The following POGZ variants were observed in gnomAD, a reference collection of about 807,000 sequenced individuals.
POGZ encodes the protein pogo transposable element derived with ZNF domain, also known as pogo transposable element with ZNF domain.
Under a neutral mutation model 134.6 loss-of-function variants are expected in POGZ, and 17 were observed. That is an observed-to-expected ratio of 0.13 (90% CI 0.09 to 0.19). The LOEUF is 0.19. Ranked by LOEUF, POGZ falls within the 10% of genes least tolerant of loss-of-function variation. POGZ has a pLI of 1.00. For synonymous variants in POGZ, 693 were observed against 657.1 expected (o/e 1.05, Z -0.84); for missense variants, 1,306 against 1,769.7 (o/e 0.74, Z 4.70).
At chr1:151,406,516 A>T in intron 18 of POGZ, 52 bp from the exon 19 acceptor site, 1 of 1,552,490 alleles carries the variant, frequency 6.4e-7, no homozygotes, top group Non-Finnish European at 8.7e-7. Flanking sequence ...TCAACTAGGA[A>T]ATTGAAACAA....
rs1272826588 is a variant in POGZ at position 151,459,384 on chromosome 1, C to T, written c.-234G>A. 2 of 52,756 alleles carry T rather than the reference C, an allele frequency of 3.8e-5. No homozygotes were observed. The highest frequency in any genetic ancestry group is 4.6e-4 in the South Asian group (1 of 2,192). 3.3% of individuals were successfully genotyped at this position (52,756 alleles called of 1,614,324 possible). ...TTTCCCGAGGGGGGCGGGGGGGCCC[C>T]GAGGGAGGGGGGTGGGGGGGCCAAG... On this transcript the variant is annotated 5_prime_UTR_variant, in exon 1 of 19. Coordinates refer to ENST00000271715, the MANE Select transcript of POGZ (RefSeq NM_015100.4).
intron 15 of POGZ, among the ~76,000 whole-genome samples, chr1:151,407,804 G>A (rs1653921629): frequency 1.3e-5 from 2 of 152,084 alleles, no homozygotes; most frequent in South Asian, 2.1e-4. Flanking sequence ...GAGCTCAGGA[G>A]TTTGAGACCA....
Position 151,405,677 on chromosome 1 carries a change from A to G in POGZ, c.3358T>C (p.Ser1120Pro), listed in dbSNP as rs143139372. The G allele has an allele frequency of 1.9e-6, 3 of 1,614,082 alleles. No individual in the cohort carries two copies. In the African/African-American group the frequency reaches 4.0e-5, roughly 22 times the overall value. ...RQIHNQDLPLSMIVAIDEISL... is the reference protein window; with the variant it reads ...RQIHNQDLPLPMIVAIDEISL... ...ATCTCATCAATAGCCACAATCATAG[A>G]CAAGGGTAAGTCCTGGTTGTGAATC... Residue 1120 changes from serine to proline, a missense_variant, in exon 19 of 19, where the codon TCT (serine) becomes CCT (proline). Ser to Pro is a moderately conservative substitution (Grantham distance 74). Transcript: ENST00000271715. The surrounding 1 kb of genome is among the most constrained non-coding windows in gnomAD (Gnocchi z 4.9).
rs148861119 is a variant in POGZ, at chr1:151,436,781, A to G, written c.283+4147T>C. On this transcript the variant is annotated intron_variant, in intron 3 of 18. Transcript: ENST00000271715. ...ACACAGGTTGTTTTTACTTTTAGCT[A>G]TAACAAATGATACTGCTATGAACAT... Among the ~76,000 whole-genome samples the G allele has an allele frequency of 4.5e-3, 687 of 152,350 alleles. 4 individuals are homozygous for G. Among genetic ancestry groups the G allele is most frequent in the African/African-American group, 0.016 (660 of 41,580 alleles).
rs1653029329 is a variant in POGZ at position 151,403,298 on chromosome 1, T to C, written c.*1504A>G. 1 of 985,472 alleles carries C rather than the reference T, an allele frequency of 1.0e-6. No individual in the cohort carries two copies. The highest frequency in any genetic ancestry group is 1.2e-6 in the Non-Finnish European group (1 of 829,808). 61.0% of individuals were successfully genotyped at this position (985,472 alleles called of 1,614,324 possible). A position where few individuals can be genotyped will look rare whatever the true frequency, so the allele number is the denominator to read the frequency against. On this transcript the variant is annotated 3_prime_UTR_variant, in exon 19 of 19. Transcript: ENST00000271715. ...ACCAGGCCCATCACATCTTGAGCAT[T>C]CCCCAGTCTGTGAAAGCCTATTAAA...
chr1:151,420,116 G>T (rs926675613), intron 10 of POGZ, among the ~76,000 whole-genome samples: 1 of 151,944 alleles, frequency 6.6e-6, no homozygotes, highest in Non-Finnish European at 1.5e-5. Context: ...TGAGCCCAGG[G>T]GTTCGAGGCT....
chr1:151,449,810 G>A (rs1018145982), intron 1 of POGZ, among the ~76,000 whole-genome samples: 38 of 152,094 alleles, frequency 2.5e-4, no homozygotes, highest in Admixed American at 1.3e-4. Context: ...GCAGGAGAAT[G>A]GCATGAACCT....
intron 10 of POGZ, among the ~76,000 whole-genome samples, chr1:151,421,392 G>A (rs1429223654): frequency 6.0e-5 from 9 of 150,194 alleles, no homozygotes; most frequent in East Asian, 1.9e-4. Context: ...ATAAGGGAGC[G>A]CTACTGTATT....
chr1:151,450,486 G>T (rs1326204048), intron 1 of POGZ, among the ~76,000 whole-genome samples: 2 of 152,072 alleles, frequency 1.3e-5, no homozygotes, highest in Non-Finnish European at 2.9e-5. Context: ...CCAAGTAGCT[G>T]GGACTACAGG....
chr1:151,433,921 G>A (rs912286481), intron 3 of POGZ, among the ~76,000 whole-genome samples: 6 of 152,294 alleles, frequency 3.9e-5, no homozygotes, highest in Middle Eastern at 6.8e-3. Flanking sequence ...GTATGCACCC[G>A]TAGTCCCAGC....
chr1:151,413,711 G>A (rs969887960), intron 10 of POGZ, among the ~76,000 whole-genome samples: 2 of 150,732 alleles, frequency 1.3e-5, no homozygotes, highest in African/African-American at 2.4e-5. Context: ...ACAGAGTCTC[G>A]TTCTGTCTCG....
chr1:151,450,206 A>G (rs556868029), intron 1 of POGZ, among the ~76,000 whole-genome samples: 4 of 151,170 alleles, frequency 2.6e-5, no homozygotes, highest in African/African-American at 7.3e-5. Context: ...TAGTTTTTGT[A>G]TTTTTAGTAG....
At chr1:151,448,874 A>G (rs1661633839) in intron 1 of POGZ, among the ~76,000 whole-genome samples, 1 of 130,336 alleles carries the variant, frequency 7.7e-6, no homozygotes, top group Non-Finnish European at 1.5e-5. Flanking sequence ...TCAAAAACAA[A>G]CAAACAAACA....
chr1:151,437,708 C>A (rs1007301829), intron 3 of POGZ, among the ~76,000 whole-genome samples: 11 of 152,096 alleles, frequency 7.2e-5, no homozygotes, highest in Admixed American at 3.9e-4. Context: ...GCCGAGACTG[C>A]GCCACTGCAC....
chr1:151,457,069 G>A (rs1662862621), intron 1 of POGZ, among the ~76,000 whole-genome samples: 1 of 152,128 alleles, frequency 6.6e-6, no homozygotes. Context: ...TGACCTTGAG[G>A]CTACCCTGAA....
chr1:151,416,691 A>C (rs1655780428), intron 10 of POGZ, among the ~76,000 whole-genome samples: 1 of 148,036 alleles, frequency 6.8e-6, no homozygotes, highest in African/African-American at 2.5e-5. Flanking sequence ...TGGTGTGATC[A>C]TATCTCACTG....
At chr1:151,420,749 AAGAT>A (rs938574702) in intron 10 of POGZ, among the ~76,000 whole-genome samples, 41 of 152,166 alleles carry the variant, frequency 2.7e-4, no homozygotes, top group Non-Finnish European at 7.3e-5. Context: ...TGTATTTCAA[AAGAT>A]CTGTTTTTTA....
At position 151,423,336 on chromosome 1, in the gene POGZ, G is replaced by A. The variant is rs779147110; in HGVS notation, c.1678+61C>T. On this transcript the variant is annotated intron_variant, in intron 10 of 18. Transcript: ENST00000271715. Reference sequence around the variant, plus strand: ...ATAAATATAATGGGCTCCCCCCAGCGCCATTCAATGAGTGAACAGCAAGGT... The same window carrying A: ...ATAAATATAATGGGCTCCCCCCAGCACCATTCAATGAGTGAACAGCAAGGT... 1,152 of 1,390,906 alleles carry A rather than the reference G, an allele frequency of 8.3e-4. 2 individuals carry two copies. The highest frequency in any genetic ancestry group is 1.0e-3 in the Non-Finnish European group (1,013 of 978,816). The allele number at this position is 1,390,906 out of a possible 1,614,324, so 86.2% of individuals were successfully genotyped here.
intron 10 of POGZ, among the ~76,000 whole-genome samples, chr1:151,422,114 A>G (rs563602706): frequency 6.6e-6 from 1 of 152,318 alleles, no homozygotes; most frequent in East Asian, 1.9e-4. Context: ...GATAATATGC[A>G]TATGTCTTCT....
Sources: gnomAD v4.1 joint callset for allele counts (sites outside exome capture counted in the v4.1 genomes callset) on GRCh38, gnomAD v4.1.1 for gene constraint, Gnocchi (gnomAD v3.1) non-coding constraint, MANE v1.5 for transcripts, NCBI Gene and HGNC (gene_info 2026-07-23, HGNC 2026-07-21) for gene names.